SRGAP3: variants seen among roughly 807,000 people sequenced by gnomAD.
SRGAP3 encodes the protein SLIT-ROBO Rho GTPase-activating protein 3.
Under a neutral mutation model 121.1 loss-of-function variants are expected in SRGAP3, and 39 were observed. The ratio of observed to expected loss-of-function variants is 0.32; its 90% confidence interval spans 0.25 to 0.42. SRGAP3 has a LOEUF of 0.42. Ranked by LOEUF, SRGAP3 falls within the 10% of genes least tolerant of loss-of-function variation. SRGAP3 has a pLI of 1.00. For missense variants in SRGAP3, 1,213 were observed against 1,470.6 expected, an observed-to-expected ratio of 0.82 and a Z score of 2.86; for synonymous variants, 601 against 570.0, an observed-to-expected ratio of 1.05 and a Z score of -0.77.
intron 9 of SRGAP3, 116 bp from the exon 10 acceptor site, chr3:9,047,591 G>C (rs906908531): frequency 1.9e-5 from 18 of 965,060 alleles, no homozygotes; most frequent in Non-Finnish European, 2.9e-5. Context: ...TCACCCGCAG[G>C]GACCCCGGCG....
chr3:8,988,792 A>T (rs1165005172), intron 21 of SRGAP3, among the ~76,000 whole-genome samples: 1 of 152,172 alleles, frequency 6.6e-6, no homozygotes, highest in Admixed American at 6.5e-5. Flanking sequence ...CAGGCATTAG[A>T]TTCTCCTCAG....
At chr3:8,994,796 C>A (rs1024737370) in intron 18 of SRGAP3, among the ~76,000 whole-genome samples, 4 of 152,214 alleles carry the variant, frequency 2.6e-5, no homozygotes, top group African/African-American at 9.6e-5. Context: ...TTGTTCTCTA[C>A]TTTTTAATGC....
At chr3:9,232,106 C>T (rs867035681) in intron 1 of SRGAP3, among the ~76,000 whole-genome samples, 4 of 152,174 alleles carry the variant, frequency 2.6e-5, no homozygotes, top group African/African-American at 7.2e-5. Flanking sequence ...GGGAATAATT[C>T]GGTAAAATAT....
At chr3:9,345,061 A>G (rs1226102295) in intron 1 of SRGAP3, among the ~76,000 whole-genome samples, 1 of 152,070 alleles carries the variant, frequency 6.6e-6, no homozygotes, top group Non-Finnish European at 1.5e-5. Context: ...AGGAGGCTAC[A>G]TATTTAAGAC....
chr3:9,326,945 G>C (rs982728736), intron 2 of SRGAP3, among the ~76,000 whole-genome samples: 22 of 151,692 alleles, frequency 1.5e-4, no homozygotes, highest in African/African-American at 5.1e-4. Flanking sequence ...GATAGCATGA[G>C]GCCAACTGAC....
At chr3:9,053,342 A>C in intron 8 of SRGAP3, 118 bp from the exon 9 acceptor site, 1 of 1,034,748 alleles carries the variant, frequency 9.7e-7, no homozygotes, top group Non-Finnish European at 1.5e-6. Flanking sequence ...GGATATAGGC[A>C]GAACAAAAAT....
intron 1 of SRGAP3, among the ~76,000 whole-genome samples, chr3:9,173,861 T>G (rs910394171): frequency 6.6e-6 from 1 of 152,196 alleles, no homozygotes; most frequent in Non-Finnish European, 1.5e-5. Context: ...TTCTTAACAT[T>G]ACCCCCAGAG....
intron 2 of SRGAP3, among the ~76,000 whole-genome samples, chr3:9,108,085 G>A (rs1467998490): frequency 6.6e-6 from 1 of 152,108 alleles, no homozygotes; most frequent in African/African-American, 2.4e-5. Context: ...CATGAGGCTG[G>A]GGATACAGAT....
intron 1 of SRGAP3, among the ~76,000 whole-genome samples, chr3:9,344,721 A>G (rs927245935): frequency 6.6e-6 from 1 of 152,018 alleles, no homozygotes; most frequent in Non-Finnish European, 1.5e-5. Flanking sequence ...ACCCCCTACT[A>G]CCTTTCTATA....
chr3:8,988,071 A>G (rs997289953), intron 21 of SRGAP3, among the ~76,000 whole-genome samples: 5 of 151,840 alleles, frequency 3.3e-5, no homozygotes, highest in Non-Finnish European at 5.9e-5. Context: ...AAGTTCAGAG[A>G]AAGATCAGCT....
chr3:9,196,390 G>GCCAGAAGGTCGTCTTTGGAT (rs1474457301), intron 1 of SRGAP3, among the ~76,000 whole-genome samples: 1 of 152,218 alleles, frequency 6.6e-6, no homozygotes, highest in Non-Finnish European at 1.5e-5. Context: ...AACCTTTGGA[G>GCCAGAAGGTCGTCTTTGGAT]CCAGAAGGTC....
chr3:9,175,949 C>T (rs1951163509), intron 1 of SRGAP3, among the ~76,000 whole-genome samples: 1 of 152,030 alleles, frequency 6.6e-6, no homozygotes, highest in Admixed American at 6.6e-5. Context: ...TGATATGGAG[C>T]CTCACTCTGT....
At chr3:9,136,885 C>T (rs1949684616) in intron 1 of SRGAP3, among the ~76,000 whole-genome samples, 1 of 152,176 alleles carries the variant, frequency 6.6e-6, no homozygotes, top group African/African-American at 2.4e-5. Context: ...TGGGATCAGA[C>T]TTGGCTGAGT....
At chr3:9,035,171 T>C (rs1440366735) in intron 11 of SRGAP3, 1 of 152,166 alleles carries the variant, frequency 6.6e-6, no homozygotes, top group Non-Finnish European at 1.5e-5. Flanking sequence ...TAACATTAAA[T>C]TATCTGTTAA....
In SRGAP3 at chr3:9,290,962, G is replaced by A. The variant is rs185984070; in HGVS notation, n.442+35048C>T. On this transcript the variant is annotated intron_variant and non_coding_transcript_variant, in intron 3 of 3. Transcript: ENST00000490889. ...TAGTGGTGATGGTGTGTGTGTGTAC[G>A]TGTGTTCTGGGCTAAGCTATAAAAT... Among the ~76,000 whole-genome samples the A allele has an allele frequency of 1.7e-4, 26 of 152,296 alleles. No homozygotes were observed. The East Asian group carries it at 3.9e-3, about 23-fold the overall frequency.
intron 1 of SRGAP3, among the ~76,000 whole-genome samples, chr3:9,205,790 C>T (rs1015622106): frequency 1.3e-5 from 2 of 152,216 alleles, no homozygotes; most frequent in Non-Finnish European, 2.9e-5. Context: ...GGATATTATT[C>T]AACCTTAAAA....
At chr3:9,155,301 T>C (rs1423193602) in intron 1 of SRGAP3, among the ~76,000 whole-genome samples, 1 of 152,188 alleles carries the variant, frequency 6.6e-6, no homozygotes. Flanking sequence ...AGGTAATTTG[T>C]CTTTTCTCTC....
intron 1 of SRGAP3, among the ~76,000 whole-genome samples, chr3:9,177,829 C>T (rs1951234113): frequency 6.6e-6 from 1 of 152,132 alleles, no homozygotes; most frequent in East Asian, 1.9e-4. Context: ...CCTGGTCTGG[C>T]CAAGAGAAGA....
intron 1 of SRGAP3, among the ~76,000 whole-genome samples, chr3:9,213,829 C>T (rs572638731): frequency 1.2e-4 from 18 of 152,250 alleles, no homozygotes; most frequent in African/African-American, 4.3e-4. Context: ...TTTCCTCTGC[C>T]CTTTCTCTTT....
Sources: gnomAD v4.1 joint callset for allele counts (sites outside exome capture counted in the v4.1 genomes callset) on GRCh38, gnomAD v4.1.1 for gene constraint, MANE v1.5 for transcripts, NCBI Gene and HGNC (gene_info 2026-07-23, HGNC 2026-07-21) for gene names.